The following CAMK1D variants were observed in gnomAD, a reference collection of about 807,000 sequenced individuals.
The protein encoded by CAMK1D is calcium/calmodulin-dependent protein kinase type 1D.
In CAMK1D, 9 loss-of-function variants were observed where a neutral mutation model predicts 47.7. The observed-to-expected ratio is 0.19, with a 90% confidence interval of 0.11 to 0.33. CAMK1D has a LOEUF of 0.33. CAMK1D is among the 10% of genes least tolerant of loss of function. CAMK1D has a pLI of 1.00. For missense variants in CAMK1D, 291 were observed against 488.7 expected, an observed-to-expected ratio of 0.60 and a Z score of 3.81; for synonymous variants, 184 against 184.9, an observed-to-expected ratio of 0.99 and a Z score of 0.04.
At chr10:12,396,191 AGTGTTC>A (rs983500186) in intron 1 of CAMK1D, among the ~76,000 whole-genome samples, 2 of 152,086 alleles carry the variant, frequency 1.3e-5, no homozygotes, top group African/African-American at 2.4e-5. Context: ...TTGTTTTTTA[AGTGTTC>A]AGTAGCCCCC....
intron 1 of CAMK1D, among the ~76,000 whole-genome samples, chr10:12,472,718 C>T (rs146955014): frequency 0.065 from 9,931 of 152,052 alleles, 448 homozygotes; most frequent in Non-Finnish European, 0.098. Context: ...GATGGGATTT[C>T]GCCACGTTGG....
intron 5 of CAMK1D, among the ~76,000 whole-genome samples, chr10:12,780,022 G>A (rs970184553): frequency 2.0e-5 from 3 of 151,974 alleles, no homozygotes; most frequent in African/African-American, 2.4e-5. Context: ...GGTCTAACTC[G>A]GCCTTAACTT....
intron 1 of CAMK1D, among the ~76,000 whole-genome samples, chr10:12,442,282 C>A (rs981378895): frequency 2.6e-5 from 4 of 152,154 alleles, no homozygotes; most frequent in Non-Finnish European, 5.9e-5. Flanking sequence ...GAGATGGAGA[C>A]CATCCTGGCT....
At chr10:12,682,918 T>G (rs918278804) in intron 3 of CAMK1D, among the ~76,000 whole-genome samples, 10 of 151,604 alleles carry the variant, frequency 6.6e-5, no homozygotes, top group Non-Finnish European at 1.5e-5. Flanking sequence ...AAATAGTGAT[T>G]AAGTAAGATT....
At chr10:12,639,196 C>T (rs2132482865) in intron 2 of CAMK1D, among the ~76,000 whole-genome samples, 1 of 152,334 alleles carries the variant, frequency 6.6e-6, no homozygotes, top group East Asian at 1.9e-4. Context: ...TTTAAAAAGA[C>T]CTAATCAGGC....
intron 4 of CAMK1D, among the ~76,000 whole-genome samples, chr10:12,765,264 A>T (rs952965264): frequency 6.6e-6 from 1 of 152,236 alleles, no homozygotes; most frequent in Admixed American, 6.5e-5. Context: ...AAAGAACAGA[A>T]TTATTTTGAC....
At chr10:12,411,023 C>T (rs1223862737) in intron 1 of CAMK1D, among the ~76,000 whole-genome samples, 2 of 152,106 alleles carry the variant, frequency 1.3e-5, no homozygotes, top group Non-Finnish European at 2.9e-5. Context: ...CTTCACAGAT[C>T]CCACCTCACG....
intron 1 of CAMK1D, among the ~76,000 whole-genome samples, chr10:12,422,520 C>T (rs1265935669): frequency 1.3e-5 from 2 of 152,142 alleles, no homozygotes; most frequent in African/African-American, 4.8e-5. Flanking sequence ...TTCCAAGCTG[C>T]AGCATGCCCC....
intron 3 of CAMK1D, among the ~76,000 whole-genome samples, chr10:12,747,085 G>A (rs1835715578): frequency 6.6e-6 from 1 of 151,984 alleles, no homozygotes; most frequent in Non-Finnish European, 1.5e-5. Context: ...AGGCTAGAGT[G>A]CAGTGGCACG....
intron 1 of CAMK1D, among the ~76,000 whole-genome samples, chr10:12,463,993 A>C (rs768226464): frequency 6.6e-6 from 1 of 151,890 alleles, no homozygotes; most frequent in Non-Finnish European, 1.5e-5. Context: ...CATGATTGTA[A>C]GTTTCCCGAG....
At chr10:12,645,619 C>T (rs915901982) in intron 2 of CAMK1D, among the ~76,000 whole-genome samples, 1 of 152,192 alleles carries the variant, frequency 6.6e-6, no homozygotes, top group African/African-American at 2.4e-5. Flanking sequence ...AGAGCCATTG[C>T]TTTCTTGTTT....
chr10:12,645,585 A>T (rs1167591787), intron 2 of CAMK1D, among the ~76,000 whole-genome samples: 1 of 152,200 alleles, frequency 6.6e-6, no homozygotes, highest in African/African-American at 2.4e-5. Flanking sequence ...TCTTGGGGTC[A>T]CAAGATGGCT....
chr10:12,387,568 G>A, intron 1 of CAMK1D, among the ~76,000 whole-genome samples: 1 of 146,442 alleles, frequency 6.8e-6, no homozygotes, highest in East Asian at 2.0e-4. Flanking sequence ...GTGCAGTGGT[G>A]CAATCTCGGC....
intron 10 of CAMK1D, among the ~76,000 whole-genome samples, chr10:12,827,268 TTC>T (rs1163355043): frequency 4.3e-4 from 29 of 66,838 alleles, no homozygotes; most frequent in Non-Finnish European, 8.7e-4. Flanking sequence ...TTTTCTTTCC[TTC>T]TCTTTCTTTT....
At chr10:12,761,857 G>A (rs1836523828) in intron 4 of CAMK1D, among the ~76,000 whole-genome samples, 1 of 152,218 alleles carries the variant, frequency 6.6e-6, no homozygotes. Flanking sequence ...CTGCAGTCCA[G>A]CCTGGCAACA....
At chr10:12,745,308 G>A (rs757416955) in intron 3 of CAMK1D, among the ~76,000 whole-genome samples, 4 of 152,216 alleles carry the variant, frequency 2.6e-5, no homozygotes, top group Non-Finnish European at 5.9e-5. Context: ...GGGATTACAG[G>A]TGTGAGCCAC....
At chr10:12,610,295 T>C (rs1838581723) in intron 2 of CAMK1D, among the ~76,000 whole-genome samples, 1 of 152,158 alleles carries the variant, frequency 6.6e-6, no homozygotes, top group Non-Finnish European at 1.5e-5. Flanking sequence ...ATGTTTCCAG[T>C]TTGTAAGCTT....
chr10:12,395,810 C>A (rs1245662356), intron 1 of CAMK1D, among the ~76,000 whole-genome samples: 1 of 151,716 alleles, frequency 6.6e-6, no homozygotes, highest in Non-Finnish European at 1.5e-5. Flanking sequence ...GCCGGTAGTT[C>A]CAGCTACTTA....
chr10:12,794,029 C>G (rs941193705), intron 6 of CAMK1D, among the ~76,000 whole-genome samples: 11 of 152,172 alleles, frequency 7.2e-5, no homozygotes, highest in Non-Finnish European at 1.3e-4. Flanking sequence ...GTGATCTGAT[C>G]TGATTTACGT....
Sources: allele counts gnomAD v4.1 joint callset (sites outside exome capture counted in the v4.1 genomes callset), GRCh38; gene constraint gnomAD v4.1.1; transcripts MANE v1.5; gene names NCBI Gene and HGNC (gene_info 2026-07-23, HGNC 2026-07-21).